Variants in PCDHA5 observed in about 807,000 individuals in gnomAD.
PCDHA5 encodes protocadherin alpha-5.
PCDHA5 carries 43 observed loss-of-function variants against 61.6 expected under a neutral mutation model. That is an observed-to-expected ratio of 0.70 (90% CI 0.55 to 0.90). PCDHA5 has a LOEUF of 0.90. Among genes scored for constraint, PCDHA5 ranks in the 40% least tolerant of loss-of-function variants. PCDHA5 has a pLI of 0.00. For synonymous variants in PCDHA5, 627 were observed against 543.9 expected (o/e 1.15, Z -2.13); for missense variants, 1,298 against 1,222.7 (o/e 1.06, Z -0.92).
chr5:140,923,885 AGAG>A (rs1190900836), intron 1 of PCDHA5, among the ~76,000 whole-genome samples: 7 of 152,210 alleles, frequency 4.6e-5, no homozygotes, highest in Non-Finnish European at 8.8e-5. Flanking sequence ...AGCGTGTGAA[AGAG>A]GAGGAGTTTC....
intron 3 of PCDHA5, among the ~76,000 whole-genome samples, chr5:140,989,470 C>T (rs1365588787): frequency 6.6e-6 from 1 of 152,148 alleles, no homozygotes; most frequent in African/African-American, 2.4e-5. Context: ...TGGAACTCCT[C>T]CTGGGAGGTG....
intron 1 of PCDHA5, among the ~76,000 whole-genome samples, chr5:140,909,265 G>A (rs1289313376): frequency 3.3e-5 from 5 of 152,192 alleles, no homozygotes; most frequent in Non-Finnish European, 7.3e-5. Flanking sequence ...CTGACTGAAG[G>A]CAAATTGCTT....
intron 1 of PCDHA5, among the ~76,000 whole-genome samples, chr5:140,893,478 C>T (rs1365540423): frequency 2.6e-5 from 4 of 151,996 alleles, no homozygotes; most frequent in African/African-American, 9.7e-5. Flanking sequence ...CATAGCAAGA[C>T]CCTGTTCTTC....
At chr5:140,909,560 C>A (rs2074577216) in intron 1 of PCDHA5, among the ~76,000 whole-genome samples, 1 of 152,284 alleles carries the variant, frequency 6.6e-6, no homozygotes, top group Middle Eastern at 3.4e-3. Flanking sequence ...ATCTCTGCAA[C>A]CCATCCAGAG....
intron 1 of PCDHA5, chr5:140,848,303 C>T: frequency 2.9e-6 from 2 of 685,962 alleles, no homozygotes; most frequent in Non-Finnish European, 5.0e-6. Context: ...CACGTGATGT[C>T]ACTCTTTGCC....
At position 140,997,696 on chromosome 5, in the gene PCDHA5, GTA is replaced by G. The variant is rs1328869274; in HGVS notation, c.2501-11929_2501-11928del. On this transcript the variant is annotated intron_variant, in intron 3 of 3. Transcript: ENST00000529859. ...TGTGTGTGTGTGTGTGTGTGTGTGT[GTA>G]TGTTAACAAACACCTTTCTACGTCA... Among the ~76,000 whole-genome samples, 208 of 148,602 alleles carry G rather than the reference GTA, an allele frequency of 1.4e-3. 1 individual carries two copies. Among genetic ancestry groups the G allele is most frequent in the African/African-American group, 4.8e-3 (197 of 40,710 alleles).
chr5:140,856,541 G>T lies in PCDHA5; in HGVS notation c.2352+32414G>T, dbSNP rs1554148841. 5.0e-6 allele frequency: 8 copies of T among 1,598,164 alleles called. 2 individuals carry two copies. Among genetic ancestry groups the T allele is most frequent in the South Asian group, 4.4e-5 (4 of 90,522 alleles). On this transcript the variant is annotated intron_variant, in intron 1 of 3. Transcript: ENST00000529859. ...ATCTGATGCGGATGTTGGAGAGAAC[G>T]CATTGCTTACTTACAAACTCAGTCC...
intron 1 of PCDHA5, among the ~76,000 whole-genome samples, chr5:140,924,394 T>A (rs973977224): frequency 2.0e-5 from 3 of 152,176 alleles, no homozygotes; most frequent in Admixed American, 2.0e-4. Context: ...CTACTTATAT[T>A]GCCTTATATC....
In PCDHA5 at chr5:140,884,802, ACTCTGC is replaced by A. The variant is rs2060361534; in HGVS notation, c.2352+60676_2352+60681del. The A allele has an allele frequency of 4.1e-6, 5 of 1,232,140 alleles. No individual in the cohort carries two copies. The South Asian group carries it at 9.1e-5, about 22-fold the overall frequency. The allele number at this position is 1,232,140 out of a possible 1,614,324, so 76.3% of individuals were successfully genotyped here. A position where few individuals can be genotyped will look rare whatever the true frequency, so the allele number is the denominator to read the frequency against. ...TTGCTAGTTGTTATCGAATTTAACA[ACTCTGC>A]TGTGGACATTATGTGTTGGATTATC... is the stretch of plus-strand genomic sequence containing the variant. On this transcript the variant is annotated intron_variant, in intron 1 of 3. Transcript: ENST00000529859.
chr5:140,855,898 G>A (rs1376080339), intron 1 of PCDHA5: 3 of 1,069,996 alleles, frequency 2.8e-6, no homozygotes, highest in African/African-American at 1.6e-5. Context: ...AAAGGCATCA[G>A]CCAGTTTCTC....
intron 1 of PCDHA5, 38 bp downstream of exon 1, chr5:140,824,165 A>G (rs1554129779): frequency 2.5e-6 from 4 of 1,610,830 alleles, no homozygotes; most frequent in Non-Finnish European, 3.4e-6. Flanking sequence ...TTTCCCTCCC[A>G]ATTTTCAAAT....
At chr5:140,917,739 T>C (rs1554198287) in intron 1 of PCDHA5, among the ~76,000 whole-genome samples, 1 of 152,222 alleles carries the variant, frequency 6.6e-6, no homozygotes, top group African/African-American at 2.4e-5. Flanking sequence ...CTCTAACCTG[T>C]CCCATTGGTC....
At chr5:140,850,549 G>A in intron 1 of PCDHA5, 2 of 1,598,360 alleles carry the variant, frequency 1.3e-6, no homozygotes, top group Non-Finnish European at 1.7e-6. Flanking sequence ...GCGTCAGTGG[G>A]TGCCACGGGC....
At chr5:140,827,971 A>G in intron 1 of PCDHA5, 7 of 1,390,040 alleles carry the variant, frequency 5.0e-6, no homozygotes, top group Middle Eastern at 1.9e-4. Context: ...TTACTGCATC[A>G]TTCCCTGACT....
chr5:140,857,791 G>A, intron 1 of PCDHA5: 2 of 1,597,714 alleles, frequency 1.3e-6, no homozygotes, highest in Non-Finnish European at 1.7e-6. Context: ...AGCTGGTGCT[G>A]CGGTCGGTGG....
At chr5:140,955,155 C>T (rs1241099289) in intron 1 of PCDHA5, among the ~76,000 whole-genome samples, 1 of 152,088 alleles carries the variant, frequency 6.6e-6, no homozygotes, top group Non-Finnish European at 1.5e-5. Context: ...GTACCAGTAC[C>T]GTGCTGTTTT....
rs79304807 is a variant in PCDHA5 at position 140,914,832 on chromosome 5, A to G, written c.2353-64117A>G. ...ACTTAACAGACTGCATAAACAAAAA[A>G]CAAACACACAAAAGGAAGACTAATA... On this transcript the variant is annotated intron_variant, in intron 1 of 3. Transcript: ENST00000529859. 8.0e-3 allele frequency among the ~76,000 whole-genome samples: 1,220 copies of G among 152,292 alleles called. 6 individuals carry two copies. Among genetic ancestry groups the G allele is most frequent in the African/African-American group, 0.019 (787 of 41,574 alleles).
At chr5:140,969,963 AT>A (rs2096372822) in intron 1 of PCDHA5, among the ~76,000 whole-genome samples, 1 of 152,204 alleles carries the variant, frequency 6.6e-6, no homozygotes. Context: ...CTTTGGCTGT[AT>A]GATGTGGCAA....
intron 1 of PCDHA5, chr5:140,865,312 G>A (rs949727799): frequency 1.1e-4 from 17 of 152,148 alleles, no homozygotes; most frequent in African/African-American, 4.1e-4. Context: ...TTACAAATGA[G>A]ATGGCCTTTA....
Sources: gnomAD v4.1 joint callset for allele counts (sites outside exome capture counted in the v4.1 genomes callset) on GRCh38, gnomAD v4.1.1 for gene constraint, MANE v1.5 for transcripts, NCBI Gene and HGNC (gene_info 2026-07-23, HGNC 2026-07-21) for gene names.